The following ERAP1 variants were observed in gnomAD, a reference collection of about 807,000 sequenced individuals.
ERAP1 encodes the protein adipocyte-derived leucine aminopeptidase.
Under a neutral mutation model 103.7 loss-of-function variants are expected in ERAP1, and 86 were observed. The ratio of observed to expected loss-of-function variants is 0.83; its 90% confidence interval spans 0.70 to 0.99. ERAP1 has a LOEUF of 0.99. Among genes scored for constraint, ERAP1 ranks in the 50% least tolerant of loss-of-function variants. ERAP1 has a pLI of 0.00. For synonymous variants in ERAP1, 398 were observed against 402.4 expected (o/e 0.99, Z 0.13); for missense variants, 1,009 against 1,128.4 (o/e 0.89, Z 1.52).
chr5:96,896,290 C>A, the ERAP1 span: 1 of 1,115,712 alleles, frequency 9.0e-7, no homozygotes, highest in South Asian at 1.6e-5. Flanking sequence ...CCTCTAAGAA[C>A]ATCTTACTAA....
the ERAP1 span, among the ~76,000 whole-genome samples, chr5:96,828,765 T>G: frequency 6.6e-6 from 1 of 152,202 alleles, no homozygotes; most frequent in African/African-American, 2.4e-5. Context: ...CTGGAGAAGG[T>G]CAGAAAAAAA....
rs748261592 is a variant in ERAP1, at chr5:96,786,475, T to C, written c.1754A>G (p.Lys585Arg). Reference protein sequence around the residue: ...DMVHRFLLKTKTDVLILPEEV... With the variant: ...DMVHRFLLKTRTDVLILPEEV... The stretch of plus-strand genomic sequence containing the variant: ...TAGTTTCCAAAATAAATTACCTGTT[T>C]TTGTTTTTAGCAAAAATCGATGGAC... The change falls in exon 12 of 19, where the codon AAA (lysine) becomes AGA (arginine). Residue 585 changes from lysine to arginine, a missense_variant. Lys to Arg is a conservative substitution (Grantham distance 26). Transcript: ENST00000443439. 1 of 1,607,862 alleles carries C rather than the reference T, an allele frequency of 6.2e-7. No individual in the cohort carries two copies. Among genetic ancestry groups the C allele is most frequent in the Non-Finnish European group, 8.5e-7 (1 of 1,175,022 alleles).
At position 96,783,049 on chromosome 5, in the gene ERAP1, A is replaced by G; in HGVS notation, c.2285+2T>C. On this transcript the variant is annotated splice_donor_variant, in intron 15 of 18. Transcript: ENST00000443439. LOFTEE classifies it high-confidence loss of function. The stretch of plus-strand genomic sequence containing the variant: ...CAAATTGGTTATTTAGTAAGGACTG[A>G]CCTCAAGTTTCCATTGGATTCCTTC... 2 of 1,614,130 alleles carry G rather than the reference A, an allele frequency of 1.2e-6. No homozygotes were observed. Among genetic ancestry groups the G allele is most frequent in the Non-Finnish European group, 1.7e-6 (2 of 1,179,974 alleles).
the ERAP1 span, chr5:96,903,463 G>A: frequency 6.2e-7 from 1 of 1,614,028 alleles, no homozygotes; most frequent in East Asian, 2.2e-5. Flanking sequence ...TGAGGGTCAT[G>A]GATGGGACCA....
chr5:96,842,196 G>A, the ERAP1 span, among the ~76,000 whole-genome samples: 2 of 152,092 alleles, frequency 1.3e-5, no homozygotes, highest in Non-Finnish European at 2.9e-5. Flanking sequence ...TGGTTGATGG[G>A]CATTTAGGCT....
At chr5:96,872,368 G>A in the ERAP1 span, among the ~76,000 whole-genome samples, 2 of 150,524 alleles carry the variant, frequency 1.3e-5, no homozygotes, top group South Asian at 2.1e-4. Flanking sequence ...AAAGGCCAAG[G>A]CAGGTGGATC....
At chr5:96,844,606 T>C in the ERAP1 span, among the ~76,000 whole-genome samples, 3 of 152,146 alleles carry the variant, frequency 2.0e-5, no homozygotes, top group African/African-American at 7.2e-5. Flanking sequence ...CTGAGAGAAA[T>C]AGGAACGTAT....
the ERAP1 span, among the ~76,000 whole-genome samples, chr5:96,854,770 G>A: frequency 1.3e-5 from 2 of 152,116 alleles, no homozygotes; most frequent in Admixed American, 6.5e-5. Flanking sequence ...CTTTTACCAT[G>A]GAGTCATGCT....
chr5:96,848,078 T>G, the ERAP1 span, among the ~76,000 whole-genome samples: 14 of 152,326 alleles, frequency 9.2e-5, no homozygotes, highest in East Asian at 2.5e-3. Context: ...AGACAGAGTC[T>G]TACTCTTTTG....
At chr5:96,833,797 A>AG in the ERAP1 span, among the ~76,000 whole-genome samples, 2 of 151,874 alleles carry the variant, frequency 1.3e-5, no homozygotes, top group Non-Finnish European at 2.9e-5. Flanking sequence ...GCTCGGAAAA[A>AG]AAAAAAAAAG....
At chr5:96,761,790 G>A (rs1333862869) in exon 20 of ERAP1, 1 of 154,036 alleles carries the variant, frequency 6.5e-6, no homozygotes, top group African/African-American at 2.4e-5. Flanking sequence ...ATTTTACACT[G>A]ATTATCATAA....
chr5:96,935,792 G>T, the ERAP1 span: 12 of 261,648 alleles, frequency 4.6e-5, no homozygotes, highest in Non-Finnish European at 8.9e-5. Context: ...TCGCAGTAGG[G>T]CTCCACATTT....
intron 5 of ERAP1, among the ~76,000 whole-genome samples, chr5:96,794,259 C>T (rs1289556233): frequency 7.3e-6 from 1 of 137,156 alleles, no homozygotes; most frequent in Admixed American, 8.1e-5. Flanking sequence ...TATAATTACA[C>T]CTCACTGCAG....
the ERAP1 span, chr5:96,873,652 A>C: frequency 2.9e-6 from 1 of 342,472 alleles, no homozygotes; most frequent in African/African-American, 2.1e-5. Context: ...TGCTTGAAGC[A>C]TGAAGCAAGT....
chr5:96,786,643 A>C, intron 11 of ERAP1, 94 bp from the exon 12 acceptor site: 1 of 812,726 alleles, frequency 1.2e-6, no homozygotes, highest in East Asian at 2.6e-5. Flanking sequence ...TGGTTAGTTT[A>C]GAACAAGATA....
chr5:96,922,691 G>A, the ERAP1 span, among the ~76,000 whole-genome samples: 5 of 152,196 alleles, frequency 3.3e-5, no homozygotes, highest in African/African-American at 1.2e-4. Context: ...CTGTCCGGGT[G>A]AGTTAACTTC....
At chr5:96,934,276 TTA>T in the ERAP1 span, 3 of 152,186 alleles carry the variant, frequency 2.0e-5, no homozygotes, top group African/African-American at 4.8e-5. Context: ...GGCCAAGTCT[TTA>T]TAGAGTGTTT....
At chr5:96,876,994 A>T in the ERAP1 span, among the ~76,000 whole-genome samples, 3 of 151,996 alleles carry the variant, frequency 2.0e-5, no homozygotes, top group Non-Finnish European at 4.4e-5. Flanking sequence ...ATTTATTTTG[A>T]GAGAGAGCCT....
intron 19 of ERAP1, among the ~76,000 whole-genome samples, chr5:96,764,699 T>C (rs1457960217): frequency 2.6e-5 from 4 of 152,134 alleles, no homozygotes; most frequent in African/African-American, 9.7e-5. Flanking sequence ...AATGCACCCC[T>C]CAAGATCTTA....
Sources: allele counts gnomAD v4.1 joint callset (sites outside exome capture counted in the v4.1 genomes callset), GRCh38; gene constraint gnomAD v4.1.1; transcripts MANE v1.5; gene names NCBI Gene and HGNC (gene_info 2026-07-23, HGNC 2026-07-21).